The following NCAM2 variants were observed in gnomAD, a reference collection of about 807,000 sequenced individuals.
NCAM2 encodes neural cell adhesion molecule 2.
In NCAM2, 30 loss-of-function variants were observed where a neutral mutation model predicts 98.1. That is an observed-to-expected ratio of 0.31 (90% CI 0.23 to 0.41). The LOEUF (loss-of-function observed/expected upper bound fraction) is 0.41. Ranked by LOEUF, NCAM2 falls within the 10% of genes least tolerant of loss-of-function variation. NCAM2 has a pLI of 1.00. For missense variants in NCAM2, 867 were observed against 1,005.8 expected (o/e 0.86, Z 1.87); for synonymous variants, 368 against 342.4 (o/e 1.07, Z -0.83).
intron 1 of NCAM2, among the ~76,000 whole-genome samples, chr21:21,258,020 A>G (rs2071742803): frequency 6.6e-6 from 1 of 152,184 alleles, no homozygotes; most frequent in Non-Finnish European, 1.5e-5. Flanking sequence ...ATTTCTATTT[A>G]GTTTCCTAAT....
chr21:21,435,889 G>A (rs1978312273), intron 12 of NCAM2, among the ~76,000 whole-genome samples: 1 of 152,070 alleles, frequency 6.6e-6, no homozygotes, highest in South Asian at 2.1e-4. Flanking sequence ...TCTTAGTGTA[G>A]ACTCCATATT....
chr21:21,163,568 C>A (rs537740845), intron 1 of NCAM2, among the ~76,000 whole-genome samples: 2 of 151,966 alleles, frequency 1.3e-5, no homozygotes, highest in African/African-American at 4.8e-5. Flanking sequence ...CTTGATATAA[C>A]GTACATGAAT....
intron 1 of NCAM2, among the ~76,000 whole-genome samples, chr21:21,010,345 T>C (rs1391511055): frequency 1.3e-5 from 2 of 152,036 alleles, no homozygotes. Context: ...TATAAAAACC[T>C]TCACCACCAC....
intron 12 of NCAM2, among the ~76,000 whole-genome samples, chr21:21,438,218 A>T (rs1978681681): frequency 6.6e-6 from 1 of 151,692 alleles, no homozygotes. Flanking sequence ...ACACTTATTG[A>T]TGTGTCCAAT....
intron 16 of NCAM2, among the ~76,000 whole-genome samples, chr21:21,524,882 G>A (rs901207222): frequency 2.6e-5 from 4 of 152,180 alleles, no homozygotes; most frequent in Admixed American, 2.6e-4. Context: ...CCAAATGCTT[G>A]AAGATTAAAC....
intron 12 of NCAM2, among the ~76,000 whole-genome samples, chr21:21,454,285 G>C (rs989068926): frequency 1.1e-4 from 16 of 152,014 alleles, no homozygotes; most frequent in Admixed American, 9.2e-4. Flanking sequence ...TATATATGGA[G>C]TGTGTATGTT....
chr21:21,518,765 A>G (rs1842136766), intron 16 of NCAM2, among the ~76,000 whole-genome samples: 1 of 152,136 alleles, frequency 6.6e-6, no homozygotes, highest in African/African-American at 2.4e-5. Context: ...AAGCACTTTT[A>G]TAGAACTTAG....
At chr21:21,163,095 G>T (rs749566353) in intron 1 of NCAM2, among the ~76,000 whole-genome samples, 22 of 152,138 alleles carry the variant, frequency 1.4e-4, no homozygotes, top group Non-Finnish European at 2.1e-4. Flanking sequence ...AAAAAGAGAT[G>T]TTCATATAAT....
chr21:21,392,527 C>A (rs959989350), intron 9 of NCAM2, among the ~76,000 whole-genome samples: 1 of 152,198 alleles, frequency 6.6e-6, no homozygotes, highest in African/African-American at 2.4e-5. Context: ...AATCCCCACA[C>A]AGTCTTCCAC....
intron 1 of NCAM2, among the ~76,000 whole-genome samples, chr21:21,275,464 TA>T (rs1031166413): frequency 6.6e-6 from 1 of 150,862 alleles, no homozygotes; most frequent in Non-Finnish European, 1.5e-5. Flanking sequence ...TAAAAATAAA[TA>T]AAAAAAGAAA....
chr21:20,999,912 G>A (rs1331793154), intron 1 of NCAM2, among the ~76,000 whole-genome samples: 5 of 152,144 alleles, frequency 3.3e-5, no homozygotes, highest in African/African-American at 9.7e-5. Flanking sequence ...AGTGTTAGTG[G>A]CGGATGAAAC....
chr21:21,349,506 G>A (rs2075278744), intron 8 of NCAM2, among the ~76,000 whole-genome samples: 1 of 152,098 alleles, frequency 6.6e-6, no homozygotes, highest in South Asian at 2.1e-4. Context: ...AAATAGCAAT[G>A]GAGAACAGTT....
intron 15 of NCAM2, among the ~76,000 whole-genome samples, chr21:21,502,158 G>A (rs1199050853): frequency 6.6e-6 from 1 of 151,844 alleles, no homozygotes; most frequent in Non-Finnish European, 1.5e-5. Flanking sequence ...ATAGAAGTTA[G>A]TGAAACTTTA....
intron 13 of NCAM2, among the ~76,000 whole-genome samples, chr21:21,467,398 ATC>A (rs1491118186): frequency 7.1e-6 from 1 of 141,826 alleles, no homozygotes; most frequent in Non-Finnish European, 1.5e-5. Context: ...ATATATATAT[ATC>A]GTTGTATATG....
intron 8 of NCAM2, among the ~76,000 whole-genome samples, chr21:21,367,733 G>A (rs1341571765): frequency 6.6e-6 from 1 of 151,836 alleles, no homozygotes; most frequent in Admixed American, 6.6e-5. Context: ...AATCTGCATA[G>A]GTATCCTTTG....
chr21:21,026,677 TTCTC>T (rs1361514413), intron 1 of NCAM2, among the ~76,000 whole-genome samples: 1 of 152,064 alleles, frequency 6.6e-6, no homozygotes, highest in Non-Finnish European at 1.5e-5. Flanking sequence ...ATCACGTAGT[TTCTC>T]TATTCCTAAG....
At chr21:21,324,352 T>C in intron 5 of NCAM2, 31 bp from the exon 6 acceptor site, 1 of 1,519,424 alleles carries the variant, frequency 6.6e-7, no homozygotes, top group Non-Finnish European at 9.0e-7. Flanking sequence ...TGTTTTCGTC[T>C]CTATTTATTC....
chr21:21,445,069 T>C (rs1979901331), intron 12 of NCAM2, among the ~76,000 whole-genome samples: 1 of 152,174 alleles, frequency 6.6e-6, no homozygotes, highest in African/African-American at 2.4e-5. Flanking sequence ...CTTTTTAATT[T>C]TTGCCTTAAT....
intron 1 of NCAM2, among the ~76,000 whole-genome samples, chr21:21,185,543 TATTTGCTTTTCACTTTCAAAGTC>T (rs1304679653): frequency 6.6e-6 from 1 of 152,212 alleles, no homozygotes; most frequent in Non-Finnish European, 1.5e-5. Context: ...CAACATTTAT[TATTTGCTTTTCACTTTCAAAGTC>T]AGCCATACGA....
Sources: allele counts gnomAD v4.1 joint callset (sites outside exome capture counted in the v4.1 genomes callset), GRCh38; gene constraint gnomAD v4.1.1; transcripts MANE v1.5; gene names NCBI Gene and HGNC (gene_info 2026-07-23, HGNC 2026-07-21).